The following IAH1 variants were observed in gnomAD, a reference collection of about 807,000 sequenced individuals.
The protein encoded by IAH1 is isoamyl acetate hydrolyzing esterase 1 (putative).
A neutral mutation model predicts 26.7 loss-of-function variants in IAH1; 24 were observed. That is an observed-to-expected ratio of 0.90 (90% confidence interval 0.65 to 1.26). The LOEUF is 1.26. IAH1 is among the 50% of genes most tolerant of loss of function. IAH1 has a pLI of 0.00. For synonymous variants in IAH1, 140 were observed against 118.5 expected (o/e 1.18, Z -1.18); for missense variants, 300 against 299.9 (o/e 1.00, Z 0.00).
chr2:9,475,919 CAG>C (rs1421359426), intron 1 of IAH1, 66 bp from the exon 2 acceptor site: 4 of 1,397,652 alleles, frequency 2.9e-6, no homozygotes, highest in Non-Finnish European at 4.0e-6. Flanking sequence ...AGTTGCCAAT[CAG>C]AACTGCCCTC....
chr2:9,498,784 T>C (rs1283817722), downstream of IAH1, among the ~76,000 whole-genome samples: 1 of 152,240 alleles, frequency 6.6e-6, no homozygotes, highest in Non-Finnish European at 1.5e-5. Flanking sequence ...TATTGTATTT[T>C]TGGTATATGA....
downstream of IAH1, among the ~76,000 whole-genome samples, chr2:9,501,516 T>C (rs573115406): frequency 3.3e-5 from 5 of 152,286 alleles, no homozygotes; most frequent in African/African-American, 1.2e-4. Flanking sequence ...ATGAAGGCAA[T>C]GGAAGTAGCT....
chr2:9,488,910 A>G lies in IAH1; in HGVS notation c.*581A>G, dbSNP rs996877487. ...GTGAGCACATTTCAGTTCTTAGGGG[A>G]AAAAAAGCTTTTAATGGCAATTTAT... On this transcript the variant is annotated 3_prime_UTR_variant, in exon 6 of 6. Coordinates refer to ENST00000497473, the MANE Select transcript of IAH1 (RefSeq NM_001039613.3). 6 of 152,196 alleles carry G rather than the reference A, an allele frequency of 3.9e-5. No homozygotes were observed. The highest frequency in any genetic ancestry group is 6.5e-5 in the Admixed American group (1 of 15,280). The allele number at this position is 152,196 out of a possible 1,614,324, so 9.4% of individuals were successfully genotyped here. A position where few individuals can be genotyped will look rare whatever the true frequency, so the allele number is the denominator to read the frequency against.
At chr2:9,478,019 G>A (rs534256891) in intron 2 of IAH1, among the ~76,000 whole-genome samples, 1 of 152,212 alleles carries the variant, frequency 6.6e-6, no homozygotes, top group African/African-American at 2.4e-5. Context: ...GAGGAGTATG[G>A]TGTATTTACC....
intron 2 of IAH1, among the ~76,000 whole-genome samples, chr2:9,476,798 A>G (rs554878068): frequency 2.6e-5 from 4 of 152,224 alleles, no homozygotes; most frequent in Non-Finnish European, 5.9e-5. Context: ...TCATCAGTTA[A>G]GGCAGGAACT....
intron 5 of IAH1, chr2:9,485,760 A>C (rs1020545968): frequency 3.9e-5 from 6 of 152,362 alleles, no homozygotes; most frequent in African/African-American, 1.4e-4. Context: ...ACTGGTGAAG[A>C]GGGGCAGACA....
chr2:9,484,728 A>G, intron 5 of IAH1, 178 bp downstream of exon 5: 1 of 559,022 alleles, frequency 1.8e-6, no homozygotes, highest in Non-Finnish European at 3.2e-6. Flanking sequence ...ATGGCTCACA[A>G]GCCCAGCAGC....
intron 3 of IAH1, among the ~76,000 whole-genome samples, chr2:9,480,092 A>AT (rs1291587760): frequency 2.0e-5 from 3 of 151,752 alleles, no homozygotes; most frequent in Admixed American, 1.3e-4. Flanking sequence ...TTCAGGCATG[A>AT]GCAACCGCAC....
the IAH1 span, among the ~76,000 whole-genome samples, chr2:9,502,923 G>A: frequency 2.8e-5 from 4 of 143,508 alleles, no homozygotes; most frequent in Admixed American, 1.4e-4. Context: ...GGTGGACCAC[G>A]AGGTTAGGGG....
intron 5 of IAH1, among the ~76,000 whole-genome samples, chr2:9,487,831 T>TGTGTGTGC (rs1661661421): frequency 1.5e-4 from 12 of 80,172 alleles, no homozygotes; most frequent in African/African-American, 5.2e-4. Context: ...TGTGTGTGTG[T>TGTGTGTGC]GTGCGCGCGC....
At chr2:9,509,966 G>A in the IAH1 span, 12 of 1,612,734 alleles carry the variant, frequency 7.4e-6, no homozygotes, top group Admixed American at 5.0e-5. Context: ...AAAAATTCTC[G>A]ACACACACAT....
chr2:9,481,679 G>A (rs562205586), intron 4 of IAH1, among the ~76,000 whole-genome samples: 13 of 152,262 alleles, frequency 8.5e-5, no homozygotes, highest in African/African-American at 2.6e-4. Flanking sequence ...AGGGAACCGC[G>A]GGCCTGGCAT....
downstream of IAH1, among the ~76,000 whole-genome samples, chr2:9,493,170 G>A (rs1013145587): frequency 6.6e-6 from 1 of 152,196 alleles, no homozygotes; most frequent in African/African-American, 2.4e-5. Flanking sequence ...TGCTTTTAAA[G>A]AAATAGCCCT....
chr2:9,496,024 G>A (rs1572884916), intron 6 of IAH1, among the ~76,000 whole-genome samples: 1 of 151,852 alleles, frequency 6.6e-6, no homozygotes, highest in African/African-American at 2.4e-5. Context: ...ACACATTATT[G>A]AACTTGGAAG....
At chr2:9,490,314 C>T (rs1430253235), downstream of IAH1, 1 of 1,614,132 alleles carries the variant, frequency 6.2e-7, no homozygotes, top group Non-Finnish European at 8.5e-7. Context: ...GGGAAGGGGT[C>T]CTTCTCAAAC....
chr2:9,488,356 TG>T lies in IAH1; in HGVS notation c.*28del. On this transcript the variant is annotated 3_prime_UTR_variant, in exon 6 of 6. Transcript: ENST00000497473. ...CAATCACAGGAGACCCAAATCTGCT[TG>T]TTATCTACAGAACTCAAAGTTGTCA... 1 of 1,552,614 alleles carries T rather than the reference TG, an allele frequency of 6.4e-7. No individual in the cohort carries two copies. The highest frequency in any genetic ancestry group is 1.4e-5 in the African/African-American group (1 of 72,546).
chr2:9,474,489 C>T, upstream of IAH1: 1 of 846,868 alleles, frequency 1.2e-6, no homozygotes, highest in Non-Finnish European at 1.6e-6. The surrounding 1 kb of genome is among the most constrained non-coding windows in gnomAD (Gnocchi z 4.3). Flanking sequence ...ACGAGCCCGG[C>T]TCCCGCAACC....
the IAH1 span, among the ~76,000 whole-genome samples, chr2:9,505,874 A>T: frequency 6.6e-6 from 1 of 152,170 alleles, no homozygotes; most frequent in African/African-American, 2.4e-5. Context: ...AGTTGTTTAA[A>T]TATTTGAGCT....
chr2:9,509,038 G>A, the IAH1 span, among the ~76,000 whole-genome samples: 1 of 151,996 alleles, frequency 6.6e-6, no homozygotes, highest in Non-Finnish European at 1.5e-5. Context: ...AAGAACAGGA[G>A]GCAGAAATTT....
Sources: allele counts gnomAD v4.1 joint callset (sites outside exome capture counted in the v4.1 genomes callset), GRCh38; gene constraint gnomAD v4.1.1; non-coding constraint Gnocchi (gnomAD v3.1); transcripts MANE v1.5; gene names NCBI Gene and HGNC (gene_info 2026-07-23, HGNC 2026-07-21).